Variants in BCAS3 observed in about 807,000 individuals in gnomAD.
BCAS3 encodes the protein BCAS4/BCAS3 fusion.
BCAS3 carries 53 observed loss-of-function variants against 116.1 expected under a neutral mutation model. The observed-to-expected ratio is 0.46, with a 90% CI of 0.37 to 0.57. BCAS3 has a LOEUF of 0.57. BCAS3 is among the 20% of genes least tolerant of loss of function. The pLI is 0.00. For missense variants in BCAS3, 917 were observed against 1,165.4 expected, an observed-to-expected ratio of 0.79 and a Z score of 3.10; for synonymous variants, 391 against 408.2, an observed-to-expected ratio of 0.96 and a Z score of 0.51.
At position 60,724,329 on chromosome 17, in the gene BCAS3, G is replaced by A. The variant is rs531055180; in HGVS notation, c.321+15004G>A. Among the ~76,000 whole-genome samples, 13 of 150,606 alleles carry A rather than the reference G, an allele frequency of 8.6e-5. No individual in the cohort carries two copies. The South Asian group carries it at 2.5e-3, about 30-fold the overall frequency. Reference sequence around the variant, plus strand: ...TCCCAGCTGCTTGGGTAGCTGAGGCGTGGGAATTGCTTGAACCCGGGAGGC... The same window carrying A: ...TCCCAGCTGCTTGGGTAGCTGAGGCATGGGAATTGCTTGAACCCGGGAGGC... On this transcript the variant is annotated intron_variant, in intron 5 of 23. Transcript: ENST00000407086.
At chr17:61,035,582 C>CA (rs61144658) in intron 17 of BCAS3, among the ~76,000 whole-genome samples, 14,370 of 64,816 alleles carry the variant, frequency 0.22, 1,317 homozygotes, top group Non-Finnish European at 0.26. Flanking sequence ...GACTCCATCT[C>CA]AAAAAAAAAA....
intron 7 of BCAS3, among the ~76,000 whole-genome samples, chr17:60,862,624 T>G (rs953361744): frequency 4.6e-5 from 7 of 152,310 alleles, no homozygotes; most frequent in African/African-American, 1.4e-4. Context: ...ATGTGTTGCA[T>G]GCATCATCAC....
intron 16 of BCAS3, among the ~76,000 whole-genome samples, chr17:61,016,311 T>A (rs1478809136): frequency 5.9e-5 from 9 of 152,214 alleles, no homozygotes; most frequent in Non-Finnish European, 1.0e-4. Context: ...TTTTTAGTAC[T>A]TTGAAAAAAT....
In BCAS3 at chr17:61,229,503, AGAG is replaced by A. The variant is rs1390821894; in HGVS notation, c.2426-138817_2426-138815del. Among the ~76,000 whole-genome samples the A allele has an allele frequency of 6.6e-6, 1 of 152,236 alleles. No individual in the cohort carries two copies. The highest frequency in any genetic ancestry group is 2.4e-5 in the African/African-American group (1 of 41,466). Reference sequence around the variant, plus strand: ...TGCCATCTAGGACTTTCATAGCTAGAGAGGAGGAGTCAGTGCCTGGCTTCAAAG... The same window carrying A: ...TGCCATCTAGGACTTTCATAGCTAGAGAGGAGTCAGTGCCTGGCTTCAAAG... On this transcript the variant is annotated intron_variant, in intron 22 of 23. Coordinates refer to ENST00000407086, the MANE Select transcript of BCAS3 (RefSeq NM_017679.5). The surrounding 1 kb of genome is among the most constrained non-coding windows in gnomAD (Gnocchi z 4.4).
chr17:60,880,898 A>G (rs1434290421), intron 9 of BCAS3, among the ~76,000 whole-genome samples: 31 of 152,144 alleles, frequency 2.0e-4, no homozygotes, highest in Admixed American at 2.0e-3. Context: ...TATCAGATAT[A>G]TCTTTTTGCA....
At chr17:60,847,104 T>A (rs796632430) in intron 7 of BCAS3, among the ~76,000 whole-genome samples, 1 of 152,202 alleles carries the variant, frequency 6.6e-6, no homozygotes, top group African/African-American at 2.4e-5. Context: ...TTCTCTCACT[T>A]AGCATAATGT....
intron 7 of BCAS3, among the ~76,000 whole-genome samples, chr17:60,844,713 G>A (rs1293639498): frequency 6.6e-6 from 1 of 152,166 alleles, no homozygotes; most frequent in African/African-American, 2.4e-5. Context: ...CTTTATGTCA[G>A]TTGTGGCTGG....
chr17:61,015,697 C>G lies in BCAS3; in HGVS notation c.1487-54C>G, dbSNP rs777181248. 1.9e-6 allele frequency: 3 copies of G among 1,568,736 alleles called. No individual in the cohort carries two copies. In the Admixed American group the frequency reaches 5.0e-5, roughly 26 times the overall value. On this transcript the variant is annotated intron_variant, in intron 15 of 23. Coordinates refer to ENST00000407086, the MANE Select transcript of BCAS3 (RefSeq NM_017679.5). The stretch of plus-strand genomic sequence containing the variant: ...TGAAAACCCTATCGGAGATAGAGAA[C>G]GGGAGATAGAGAACCTTCCTCAGTG...
At chr17:61,070,381 A>ATC (rs1568282347) in intron 19 of BCAS3, 1 of 148,652 alleles carries the variant, frequency 6.7e-6, no homozygotes, top group African/African-American at 3.6e-5. Flanking sequence ...ATATATATAT[A>ATC]TATATATATA....
At chr17:61,238,790 T>C (rs2083265301) in intron 22 of BCAS3, among the ~76,000 whole-genome samples, 1 of 152,118 alleles carries the variant, frequency 6.6e-6, no homozygotes, top group Non-Finnish European at 1.5e-5. Flanking sequence ...TACTCTGTTA[T>C]TGTAAGCCAG....
intron 10 of BCAS3, among the ~76,000 whole-genome samples, chr17:60,896,845 G>C (rs915908290): frequency 2.0e-5 from 3 of 152,064 alleles, no homozygotes; most frequent in African/African-American, 7.2e-5. Flanking sequence ...ATTAATATGT[G>C]AGACTTTGTT....
In BCAS3 at chr17:61,377,428, G is replaced by C. The variant is rs1371260262; in HGVS notation, c.2593+8934G>C. Among the ~76,000 whole-genome samples the C allele has an allele frequency of 6.6e-6, 1 of 152,214 alleles. No individual in the cohort carries two copies. Among genetic ancestry groups the C allele is most frequent in the African/African-American group, 2.4e-5 (1 of 41,450 alleles). On this transcript the variant is annotated intron_variant, in intron 23 of 23. Coordinates refer to ENST00000407086, the MANE Select transcript of BCAS3 (RefSeq NM_017679.5). This position sits in a 1 kb window ranked among gnomAD's most constrained non-coding sequence, Gnocchi z 4.6. ...ATTCCTAGCTATTTTCCACTGGCAGGAGAGGCCAAATCTGAGAGTCCTTTC... is the reference window on the plus strand; with the variant it reads ...ATTCCTAGCTATTTTCCACTGGCAGCAGAGGCCAAATCTGAGAGTCCTTTC...
In BCAS3 at chr17:61,221,764, A is replaced by G. The variant is rs536403457; in HGVS notation, c.2425+137200A>G. ...AGAAACCTGCAGAAGGCTACATACCATGAAGGAAAAAACCACAAGAATGTG... is the reference window on the plus strand; with the variant it reads ...AGAAACCTGCAGAAGGCTACATACCGTGAAGGAAAAAACCACAAGAATGTG... On this transcript the variant is annotated intron_variant, in intron 22 of 23. Transcript: ENST00000407086. 2.0e-3 allele frequency among the ~76,000 whole-genome samples: 303 copies of G among 152,310 alleles called. 2 individuals carry two copies. Among genetic ancestry groups the G allele is most frequent in the South Asian group, 8.9e-3 (43 of 4,822 alleles).
Position 61,078,466 on chromosome 17 carries a change from C to T in BCAS3, c.2264C>T (p.Pro755Leu), listed in dbSNP as rs746765764. 25 of 1,613,986 alleles carry T rather than the reference C, an allele frequency of 1.5e-5. No individual in the cohort carries two copies. Among genetic ancestry groups the T allele is most frequent in the African/African-American group, 2.7e-5 (2 of 74,904 alleles). The change falls in exon 21 of 24, where the codon CCG becomes CTG. Residue 755 changes from proline (P) to leucine (L), a missense_variant. This residue lies in a region of BCAS3 where 807 missense variants were observed against 1,026.0 expected (regional missense o/e 0.79). Transcript: ENST00000407086. ...SSSSVLQSHGPSDTPQPLLDF... is the reference protein window; with the variant it reads ...SSSSVLQSHGLSDTPQPLLDF... ...TCATCTGTGTTGCAGTCTCATGGTC[C>T]GAGTGACACGCCACAGCCTCTTTTG...
At chr17:61,322,812 G>GAC (rs2055359075) in intron 22 of BCAS3, among the ~76,000 whole-genome samples, 5 of 131,428 alleles carry the variant, frequency 3.8e-5, no homozygotes, top group African/African-American at 1.5e-4. Flanking sequence ...GAGAGAGAGA[G>GAC]AGAGAGAGAG....
In BCAS3 at chr17:61,026,536, G is replaced by C. The variant is rs568293732; in HGVS notation, c.1638-8130G>C. Among the ~76,000 whole-genome samples the C allele has an allele frequency of 1.3e-5, 2 of 151,910 alleles. No homozygotes were observed. Among genetic ancestry groups the C allele is most frequent in the South Asian group, 4.2e-4 (2 of 4,810 alleles). On this transcript the variant is annotated intron_variant, in intron 16 of 23. Coordinates refer to ENST00000407086, the MANE Select transcript of BCAS3 (RefSeq NM_017679.5). The surrounding 1 kb of genome is among the most constrained non-coding windows in gnomAD (Gnocchi z 5.0). ...CTATTGATCTCACTCTTCTCCATCT[G>C]GTTATTCCATTTAACTTATACCTTG...
intron 22 of BCAS3, among the ~76,000 whole-genome samples, chr17:61,288,878 G>C (rs1304842987): frequency 6.6e-6 from 1 of 152,208 alleles, no homozygotes; most frequent in Non-Finnish European, 1.5e-5. Flanking sequence ...ATTCAAAAAA[G>C]CCTTAGAATA....
At position 60,679,436 on chromosome 17, in the gene BCAS3, G is replaced by GTTTA. The variant is rs763390916; in HGVS notation, c.-5-14_-5-13insATTT. Reference sequence around the variant, plus strand: ...ATGTTTTTCTGTTTTTTGTTTGTTTGTTTGTTCTGGAAACAGGTTTTATGA... The same window carrying GTTTA: ...ATGTTTTTCTGTTTTTTGTTTGTTTGTTTATTTGTTCTGGAAACAGGTTTTATGA... On this transcript the variant is annotated splice_polypyrimidine_tract_variant and intron_variant, in intron 1 of 23. Transcript: ENST00000407086. The GTTTA allele has an allele frequency of 1.3e-6, 2 of 1,586,552 alleles. No homozygotes were observed. The highest frequency in any genetic ancestry group is 2.7e-5 in the African/African-American group (2 of 74,156).
chr17:60,753,669 A>G (rs1005444343), intron 6 of BCAS3, among the ~76,000 whole-genome samples: 31 of 152,104 alleles, frequency 2.0e-4, no homozygotes, highest in African/African-American at 7.2e-4. Context: ...TCGGCCTCCC[A>G]AAGTGCTGGG....
Sources: gnomAD v4.1 joint callset for allele counts (sites outside exome capture counted in the v4.1 genomes callset) on GRCh38, gnomAD v4.1.1 for gene constraint, gnomAD v4.1.1 regional missense constraint, Gnocchi (gnomAD v3.1) non-coding constraint, MANE v1.5 for transcripts, NCBI Gene and HGNC (gene_info 2026-07-23, HGNC 2026-07-21) for gene names.